CIBAR1: variants seen among roughly 807,000 people sequenced by gnomAD.
CIBAR1 encodes the protein CBY1 interacting BAR domain containing 1.
A neutral mutation model predicts 44.0 loss-of-function variants in CIBAR1; 25 were observed. The ratio of observed to expected loss-of-function variants is 0.57; its 90% CI spans 0.41 to 0.79. The LOEUF (loss-of-function observed/expected upper bound fraction) is 0.79. Among genes scored for constraint, CIBAR1 ranks in the 30% least tolerant of loss-of-function variants. CIBAR1 has a pLI of 0.00. For synonymous variants in CIBAR1, 115 were observed against 119.0 expected (o/e 0.97, Z 0.22); for missense variants, 278 against 344.8 (o/e 0.81, Z 1.53).
chr8:93,726,638 CT>C, intron 8 of CIBAR1, 125 bp downstream of exon 8: 1 of 1,120,996 alleles, frequency 8.9e-7, no homozygotes, highest in South Asian at 1.4e-5. Flanking sequence ...TATTTCTTCT[CT>C]TCTATAAAAT....
chr8:93,706,678 G>A (rs1466403223), intron 4 of CIBAR1, among the ~76,000 whole-genome samples: 1 of 152,194 alleles, frequency 6.6e-6, no homozygotes, highest in African/African-American at 2.4e-5. Context: ...GAGCACAGAT[G>A]AAGCAGGTCT....
intron 7 of CIBAR1, chr8:93,720,851 CAG>C (rs781229747): frequency 2.6e-5 from 4 of 151,812 alleles, no homozygotes; most frequent in Non-Finnish European, 5.9e-5. Flanking sequence ...AGCCTGGCAA[CAG>C]AGTGAGACTC....
At chr8:93,713,225 G>T (rs1265188212) in intron 6 of CIBAR1, among the ~76,000 whole-genome samples, 1 of 151,632 alleles carries the variant, frequency 6.6e-6, no homozygotes, top group Non-Finnish European at 1.5e-5. Context: ...TAGAGATGGG[G>T]TTTTACCATG....
At chr8:93,704,664 T>C (rs991540069) in intron 3 of CIBAR1, among the ~76,000 whole-genome samples, 3 of 152,232 alleles carry the variant, frequency 2.0e-5, no homozygotes, top group African/African-American at 7.2e-5. Flanking sequence ...TTTATATGCA[T>C]ATATCTATTA....
chr8:93,725,890 C>T (rs1811469304), intron 7 of CIBAR1: 1 of 154,216 alleles, frequency 6.5e-6, no homozygotes, highest in African/African-American at 2.4e-5. Context: ...AAGTGGTAAA[C>T]ATTTGGAAAT....
intron 7 of CIBAR1, among the ~76,000 whole-genome samples, chr8:93,722,522 C>T (rs940845837): frequency 6.6e-6 from 1 of 152,024 alleles, no homozygotes; most frequent in African/African-American, 2.4e-5. Context: ...CATGATGAAA[C>T]TCTGTCTCTA....
Position 93,714,624 on chromosome 8 carries a change from A to G in CIBAR1, c.544-4051A>G, listed in dbSNP as rs183996048. ...CAACAGTAGCCTCAAAGATCAGTCA[A>G]TAAGGGTTACATTATAGCCCCCTTA... is the stretch of plus-strand genomic sequence containing the variant. On this transcript the variant is annotated intron_variant, in intron 6 of 8. Transcript: ENST00000518322. Among the ~76,000 whole-genome samples, 3 of 152,144 alleles carry G rather than the reference A, an allele frequency of 2.0e-5. No homozygotes were observed. The East Asian group carries it at 5.8e-4, about 29-fold the overall frequency.
At chr8:93,701,043 A>G (rs1384127741) in intron 1 of CIBAR1, 181 bp from the exon 2 acceptor site, 16 of 1,448,618 alleles carry the variant, frequency 1.1e-5, no homozygotes, top group Non-Finnish European at 1.4e-5. Context: ...GTGCCTACAC[A>G]GTCCGGATAG....
intron 2 of CIBAR1, among the ~76,000 whole-genome samples, 158 bp from the exon 3 acceptor site, chr8:93,703,462 C>G (rs935313248): frequency 4.6e-5 from 7 of 152,204 alleles, no homozygotes; most frequent in African/African-American, 1.7e-4. Flanking sequence ...TTTTGCTCAC[C>G]AGGTGCTTTT....
At chr8:93,718,396 T>C (rs1426523376) in intron 6 of CIBAR1, among the ~76,000 whole-genome samples, 7 of 152,206 alleles carry the variant, frequency 4.6e-5, no homozygotes, top group Non-Finnish European at 8.8e-5. Flanking sequence ...TCTTATGTTA[T>C]TATAAATGTC....
intron 5 of CIBAR1, 77 bp downstream of exon 5, chr8:93,708,093 T>C: frequency 3.3e-6 from 4 of 1,194,712 alleles, no homozygotes; most frequent in African/African-American, 1.5e-5. Context: ...ATACATTTTC[T>C]TGAAAAAGAA....
At chr8:93,719,252 A>G (rs910507588) in intron 7 of CIBAR1, among the ~76,000 whole-genome samples, 8 of 152,202 alleles carry the variant, frequency 5.3e-5, no homozygotes, top group East Asian at 1.9e-4. Flanking sequence ...TTTATTTTCA[A>G]TTTTTCAAAT....
chr8:93,713,629 T>G (rs563517151), intron 6 of CIBAR1, among the ~76,000 whole-genome samples: 11 of 152,246 alleles, frequency 7.2e-5, no homozygotes, highest in Non-Finnish European at 1.6e-4. Flanking sequence ...CCCTTATATG[T>G]CTTTGATCCA....
At chr8:93,722,086 A>G (rs546437242) in intron 7 of CIBAR1, among the ~76,000 whole-genome samples, 2 of 152,356 alleles carry the variant, frequency 1.3e-5, no homozygotes, top group African/African-American at 2.4e-5. Flanking sequence ...GCACGTGTTC[A>G]ATGAACCACA....
rs536322190 is a variant in CIBAR1 at position 93,704,072 on chromosome 8, AAAAAG to A, written c.330+393_330+397del. ...GTGTGAGACTCTGTCTCAAAAAAAAAAAAAGAAAAGAAATACAAAGTAGTATATAG... is the reference window on the plus strand; with the variant it reads ...GTGTGAGACTCTGTCTCAAAAAAAAAAAAAGAAATACAAAGTAGTATATAG... On this transcript the variant is annotated intron_variant, in intron 3 of 8. Transcript: ENST00000518322. Among the ~76,000 whole-genome samples the A allele has an allele frequency of 5.1e-3, 781 of 152,028 alleles. 3 individuals carry two copies. Among genetic ancestry groups the A allele is most frequent in the Non-Finnish European group, 8.9e-3 (605 of 67,946 alleles).
intron 5 of CIBAR1, among the ~76,000 whole-genome samples, chr8:93,709,121 A>C (rs1810718443): frequency 6.6e-6 from 1 of 152,148 alleles, no homozygotes; most frequent in Non-Finnish European, 1.5e-5. Flanking sequence ...TCTTCTAAAA[A>C]TACAAAAAAT....
rs2130389282 is a variant in CIBAR1 at position 93,726,623 on chromosome 8, G to T, written c.777+110G>T. On this transcript the variant is annotated intron_variant, in intron 8 of 8. Coordinates refer to ENST00000518322, the MANE Select transcript of CIBAR1 (RefSeq NM_145269.5). ...TCACCTCGGTAACTTATCCTCCCCTGGACCTATTTCTTCTCTTCTATAAAA... is the reference window on the plus strand; with the variant it reads ...TCACCTCGGTAACTTATCCTCCCCTTGACCTATTTCTTCTCTTCTATAAAA... 4 of 1,270,766 alleles carry T rather than the reference G, an allele frequency of 3.1e-6. No individual in the cohort carries two copies. The South Asian group carries it at 3.9e-5, about 13-fold the overall frequency. 78.7% of individuals were successfully genotyped at this position (1,270,766 alleles called of 1,614,324 possible). A position where few individuals can be genotyped will look rare whatever the true frequency, so the allele number is the denominator to read the frequency against.
At chr8:93,707,140 C>A in intron 4 of CIBAR1, 1 of 328,646 alleles carries the variant, frequency 3.0e-6, no homozygotes, top group South Asian at 2.6e-5. Flanking sequence ...TATCTGTATT[C>A]ATGGAGTTGT....
chr8:93,715,653 C>T (rs1176511623), intron 6 of CIBAR1: 8 of 152,090 alleles, frequency 5.3e-5, no homozygotes, highest in Non-Finnish European at 8.8e-5. Context: ...TTAGTCCTAA[C>T]AGTTATACAT....
Sources: allele counts gnomAD v4.1 joint callset (sites outside exome capture counted in the v4.1 genomes callset), GRCh38; gene constraint gnomAD v4.1.1; transcripts MANE v1.5; gene names NCBI Gene and HGNC (gene_info 2026-07-23, HGNC 2026-07-21).